Variants in LRRC56 observed in about 807,000 individuals in gnomAD.
The protein encoded by LRRC56 is leucine rich repeat containing 56, also known as leucine-rich repeat-containing protein 56.
LRRC56 carries 41 observed loss-of-function variants against 47.8 expected under a neutral mutation model. That is an observed-to-expected ratio of 0.86 (90% CI 0.67 to 1.11). The LOEUF (loss-of-function observed/expected upper bound fraction) is 1.11. Among genes scored for constraint, LRRC56 ranks in the 50% most tolerant of loss-of-function variants. The pLI is 0.00. For synonymous variants in LRRC56, 387 were observed against 311.2 expected, an observed-to-expected ratio of 1.24 and a Z score of -2.56; for missense variants, 759 against 704.2, an observed-to-expected ratio of 1.08 and a Z score of -0.88.
chr11:533,281 C>T (rs1226835781), upstream of LRRC56: 11 of 1,589,508 alleles, frequency 6.9e-6, no homozygotes, highest in East Asian at 4.5e-5. Flanking sequence ...ACTTACAGCG[C>T]GAGGGGCCGC....
At chr11:544,669 G>C in intron 5 of LRRC56, 51 bp from the exon 6 acceptor site, 1 of 1,588,112 alleles carries the variant, frequency 6.3e-7, no homozygotes, top group Non-Finnish European at 8.6e-7. Context: ...AGGGTGCAGA[G>C]GTGGGCGGGG....
upstream of LRRC56, among the ~76,000 whole-genome samples, chr11:534,943 C>G (rs942807127): frequency 1.3e-5 from 2 of 152,240 alleles, no homozygotes; most frequent in African/African-American, 4.8e-5. Flanking sequence ...AGAGGAGCTC[C>G]TGGGAAGCAG....
At position 552,579 on chromosome 11, in the gene LRRC56, T is replaced by G; in HGVS notation, c.1192T>G (p.Tyr398Asp). 10 of 1,569,358 alleles carry G rather than the reference T, an allele frequency of 6.4e-6. No individual in the cohort carries two copies. Among genetic ancestry groups the G allele is most frequent in the Non-Finnish European group, 7.0e-6 (8 of 1,151,070 alleles). The change falls in exon 13 of 14, where the codon TAT becomes GAT. Residue 398 changes from tyrosine (Y) to aspartate (D), a missense_variant. Transcript: ENST00000270115. ...CTCTCCCCACCCTAGCCCCCTCCCCTATAGGCACCCGGAGTCCCAACAGGA... is the reference window on the plus strand; with the variant it reads ...CTCTCCCCACCCTAGCCCCCTCCCCGATAGGCACCCGGAGTCCCAACAGGA... ...WREHGVRPLP[Y>D]RHPESQQEGA... is the part of the protein sequence containing the mutation.
At chr11:540,157 C>A (rs1040251848) in intron 3 of LRRC56, among the ~76,000 whole-genome samples, 2 of 152,212 alleles carry the variant, frequency 1.3e-5, no homozygotes, top group African/African-American at 2.4e-5. Context: ...CAGGAGAGGG[C>A]AGCTGCCTGC....
upstream of LRRC56, chr11:534,154 T>A: frequency 1.4e-6 from 2 of 1,395,906 alleles, no homozygotes; most frequent in Non-Finnish European, 2.0e-6. Flanking sequence ...CTATCCTGGC[T>A]GTGTCCTGGG....
At chr11:534,636 C>G, upstream of LRRC56, 2 of 476,802 alleles carry the variant, frequency 4.2e-6, no homozygotes, top group Admixed American at 3.5e-5. Context: ...GCTGAGCGCT[C>G]TCAACCACGC....
chr11:528,653 C>T, the LRRC56 span: 3 of 152,222 alleles, frequency 2.0e-5, no homozygotes, highest in Non-Finnish European at 4.4e-5. Context: ...GGTGCTCTGA[C>T]GATCGTCTCG....
upstream of LRRC56, chr11:533,286 G>A (rs900369844): frequency 6.3e-7 from 1 of 1,593,880 alleles, no homozygotes; most frequent in Non-Finnish European, 8.5e-7. Flanking sequence ...CAGCGCGAGG[G>A]GCCGCTGGGT....
chr11:521,085 G>T, the LRRC56 span, among the ~76,000 whole-genome samples: 1,185 of 152,270 alleles, frequency 7.8e-3, 12 homozygotes, highest in African/African-American at 0.027. Context: ...CAGACACGGG[G>T]CAGACGCCCT....
Position 554,345 on chromosome 11 carries a change from C to G in LRRC56, c.*69C>G. On this transcript the variant is annotated 3_prime_UTR_variant, in exon 14 of 14. Transcript: ENST00000270115. ...TGCCCACATATGTGGTCACAGAGCA[C>G]AGAATACCTGGGCGGGTGTGTTGGG... The G allele has an allele frequency of 7.4e-7, 1 of 1,350,520 alleles. No homozygotes were observed. Among genetic ancestry groups the G allele is most frequent in the Non-Finnish European group, 9.7e-7 (1 of 1,028,486 alleles). 83.7% of individuals were successfully genotyped at this position (1,350,520 alleles called of 1,614,324 possible).
At chr11:513,534 A>G in the LRRC56 span, among the ~76,000 whole-genome samples, 1 of 152,266 alleles carries the variant, frequency 6.6e-6, no homozygotes, top group East Asian at 1.9e-4. Context: ...AGGATTTAGA[A>G]TATTCCATAA....
chr11:513,083 A>G, the LRRC56 span, among the ~76,000 whole-genome samples: 1 of 152,352 alleles, frequency 6.6e-6, no homozygotes, highest in African/African-American at 2.4e-5. Context: ...CACTCTGCCC[A>G]GCACACCCCG....
At chr11:553,604 C>T (rs1470250819) in intron 13 of LRRC56, among the ~76,000 whole-genome samples, 2 of 152,144 alleles carry the variant, frequency 1.3e-5, no homozygotes, top group African/African-American at 4.8e-5. Context: ...GGACCCAAGG[C>T]TTGGGAACCG....
At chr11:526,082 C>T in the LRRC56 span, among the ~76,000 whole-genome samples, 145 of 152,172 alleles carry the variant, frequency 9.5e-4, no homozygotes, top group Admixed American at 3.5e-3. Flanking sequence ...TGGCAGGTGC[C>T]TGTAGTCCCA....
chr11:538,058 G>T (rs1241549821), intron 1 of LRRC56, among the ~76,000 whole-genome samples: 2 of 152,186 alleles, frequency 1.3e-5, no homozygotes, highest in Non-Finnish European at 2.9e-5. Flanking sequence ...TTGCAGAGGG[G>T]ACACAGGGTG....
upstream of LRRC56, among the ~76,000 whole-genome samples, chr11:533,059 C>T (rs1851203727): frequency 6.6e-6 from 1 of 152,232 alleles, no homozygotes; most frequent in Admixed American, 6.5e-5. Flanking sequence ...GCCCGTGTCC[C>T]CAGTAGCCCC....
At chr11:514,131 A>G in the LRRC56 span, among the ~76,000 whole-genome samples, 2 of 151,998 alleles carry the variant, frequency 1.3e-5, no homozygotes, top group African/African-American at 4.8e-5. Flanking sequence ...AGCTGGGACT[A>G]CAAGCACGCA....
chr11:529,932 G>C, the LRRC56 span, among the ~76,000 whole-genome samples: 1 of 152,186 alleles, frequency 6.6e-6, no homozygotes. Context: ...CCAAGGCCTA[G>C]CGGCATGAGG....
At chr11:533,261 G>T, upstream of LRRC56, 2 of 1,567,346 alleles carry the variant, frequency 1.3e-6, no homozygotes, top group Non-Finnish European at 1.7e-6. Flanking sequence ...CTGCCCTGCC[G>T]TCCCGGGAGA....
Sources: allele counts gnomAD v4.1 joint callset (sites outside exome capture counted in the v4.1 genomes callset), GRCh38; gene constraint gnomAD v4.1.1; transcripts MANE v1.5; gene names NCBI Gene and HGNC (gene_info 2026-07-23, HGNC 2026-07-21).